Variants in GSR observed in about 807,000 individuals in gnomAD.
GSR encodes the protein glutathione-disulfide reductase, also known as glutathione reductase, mitochondrial.
A neutral mutation model predicts 56.5 loss-of-function variants in GSR; 48 were observed. That is an observed-to-expected ratio of 0.85 (90% CI 0.67 to 1.08). The LOEUF (loss-of-function observed/expected upper bound fraction) is 1.08. Among genes scored for constraint, GSR ranks in the 50% least tolerant of loss-of-function variants. The probability of loss-of-function intolerance (pLI) is 0.00; values close to 1 mark genes in which losing one functional copy is unlikely to be tolerated. For missense variants in GSR, 694 were observed against 703.3 expected (o/e 0.99, Z 0.15); for synonymous variants, 264 against 270.8 (o/e 0.97, Z 0.25).
chr8:30,680,911 T>C lies in GSR; in HGVS notation c.1412A>G (p.Glu471Gly). ...CVMKMVCANK[E>G]EKVVGIHMQG... is the part of the protein sequence containing the mutation. ...TGCTGGATTTTTCCTTACCTTTTCT[T>C]CCTTGTTAGCACAGACCATTTTCAT... Residue 471 changes from glutamate to glycine, a missense_variant, in exon 12 of 13, where the codon GAA becomes GGA. Physicochemically the swap from Glu to Gly is moderately conservative, Grantham distance 98. Transcript: ENST00000221130. The C allele has an allele frequency of 6.2e-7, 1 of 1,613,762 alleles. No homozygotes were observed. Among genetic ancestry groups the C allele is most frequent in the Non-Finnish European group, 8.5e-7 (1 of 1,179,912 alleles).
chr8:30,699,795 T>C (rs983581630), intron 6 of GSR, among the ~76,000 whole-genome samples: 3 of 152,112 alleles, frequency 2.0e-5, no homozygotes, highest in African/African-American at 4.8e-5. Flanking sequence ...ACATTCTTAA[T>C]TGATGCTGTA....
At chr8:30,700,745 A>AAAAAAAAAAAAAAAAAAC (rs1803708803) in intron 5 of GSR, among the ~76,000 whole-genome samples, 1 of 135,526 alleles carries the variant, frequency 7.4e-6, no homozygotes, top group African/African-American at 2.9e-5. Flanking sequence ...AAAAAAAAAA[A>AAAAAAAAAAAAAAAAAAC]AAAAATCGAC....
chr8:30,699,270 G>T (rs1056553697), intron 6 of GSR, among the ~76,000 whole-genome samples: 1 of 151,810 alleles, frequency 6.6e-6, no homozygotes, highest in African/African-American at 2.4e-5. Context: ...CTGCCTGGGC[G>T]ATGGAAGAAG....
At chr8:30,719,409 C>T (rs931167566) in intron 1 of GSR, among the ~76,000 whole-genome samples, 1 of 152,048 alleles carries the variant, frequency 6.6e-6, no homozygotes, top group Non-Finnish European at 1.5e-5. Flanking sequence ...AGCCACCGCG[C>T]CTGGCCAATT....
intron 4 of GSR, among the ~76,000 whole-genome samples, chr8:30,706,341 A>G (rs1433670980): frequency 6.6e-6 from 1 of 151,818 alleles, no homozygotes; most frequent in Non-Finnish European, 1.5e-5. Context: ...CTCTACTAAA[A>G]ATACAAAAAA....
Position 30,709,835 on chromosome 8 carries a change from C to G in GSR, c.401G>C (p.Cys134Ser). Residue 134 changes from cysteine to serine, a missense_variant, in exon 3 of 13, where the codon TGT (cysteine) becomes TCT (serine). Physicochemically the swap from Cys to Ser is moderately radical, Grantham distance 112. Coordinates refer to ENST00000221130, the MANE Select transcript of GSR (RefSeq NM_000637.5). ...HDHADYGFPS[C>S]EGKFNWRVIK... ...TTACCGCCAATTGAATTTACCCTCA[C>G]AACTTGGAAAGCCATAATCAGCATG... 2.5e-6 allele frequency: 4 copies of G among 1,577,950 alleles called. No homozygotes were observed. Among genetic ancestry groups the G allele is most frequent in the Non-Finnish European group, 3.5e-6 (4 of 1,151,324 alleles).
chr8:30,680,558 C>T (rs539760864), intron 12 of GSR, among the ~76,000 whole-genome samples: 26 of 152,034 alleles, frequency 1.7e-4, no homozygotes, highest in African/African-American at 5.3e-4. Flanking sequence ...TCATGCCTGG[C>T]TAATTTTTGT....
intron 5 of GSR, among the ~76,000 whole-genome samples, chr8:30,700,874 A>G (rs1789879591): frequency 6.6e-6 from 1 of 152,110 alleles, no homozygotes; most frequent in Non-Finnish European, 1.5e-5. Context: ...GGAGATTGAA[A>G]CCTTTGGATA....
At chr8:30,726,711 A>T (rs534126725) in intron 1 of GSR, among the ~76,000 whole-genome samples, 2 of 152,250 alleles carry the variant, frequency 1.3e-5, no homozygotes, top group South Asian at 4.1e-4. Context: ...GCAGTGAGCT[A>T]TGATGGCCAC....
Position 30,679,605 on chromosome 8 carries a change from A to T in GSR, c.1484T>A (p.Val495Glu). 1.2e-6 allele frequency: 2 copies of T among 1,613,916 alleles called. No homozygotes were observed. The highest frequency in any genetic ancestry group is 1.7e-6 in the Non-Finnish European group (2 of 1,179,888). The change falls in exon 13 of 13, where the codon GTG becomes GAG. Residue 495 changes from valine to glutamate, a missense_variant. By Grantham distance (121) the Val-to-Glu change is moderately radical. Coordinates refer to ENST00000221130, the MANE Select transcript of GSR (RefSeq NM_000637.5). The stretch of plus-strand genomic sequence containing the variant: ...GTCTGCCTTCGTTGCTCCCATCTTC[A>T]CTGCAACAGCAAAACCCTGCAGCAT... ...DEMLQGFAVA[V>E]KMGATKADFD...
Position 30,707,971 on chromosome 8 carries a change from T to A in GSR, c.492+101A>T, listed in dbSNP as rs574899423. On this transcript the variant is annotated intron_variant, in intron 4 of 12. Transcript: ENST00000221130. ...GACCCTGTCTCCAAAAAAATAATAA[T>A]AAAAATAAATAAATAAATAGGGCTA... is the stretch of plus-strand genomic sequence containing the variant. 2.5e-5 allele frequency: 18 copies of A among 706,552 alleles called. No homozygotes were observed. The East Asian group carries it at 2.6e-4, about 10-fold the overall frequency. 43.8% of individuals were successfully genotyped at this position (706,552 alleles called of 1,614,324 possible).
chr8:30,683,169 C>G (rs1041827868), intron 10 of GSR, among the ~76,000 whole-genome samples: 2 of 152,012 alleles, frequency 1.3e-5, no homozygotes, highest in Non-Finnish European at 2.9e-5. Flanking sequence ...ACTATGTTGC[C>G]CAGCCTGGTC....
intron 3 of GSR, among the ~76,000 whole-genome samples, chr8:30,708,566 T>C (rs1323754786): frequency 3.9e-5 from 6 of 152,180 alleles, no homozygotes; most frequent in Non-Finnish European, 7.3e-5. Context: ...ATTCGGCAAT[T>C]TCACTTCTAA....
At chr8:30,708,802 A>G (rs1307320474) in intron 3 of GSR, among the ~76,000 whole-genome samples, 1 of 151,872 alleles carries the variant, frequency 6.6e-6, no homozygotes, top group Non-Finnish European at 1.5e-5. Context: ...TAAAAAAAAT[A>G]CAAAAAATTA....
Position 30,679,630 on chromosome 8 carries a change from T to C in GSR, c.1459A>G (p.Met487Val), listed in dbSNP as rs760070651. 6.2e-7 allele frequency: 1 copy of C among 1,613,968 alleles called. No homozygotes were observed. The highest frequency in any genetic ancestry group is 2.2e-5 in the East Asian group (1 of 44,872). ...IHMQGLGCDE[M>V]LQGFAVAVKM... ...ACTGCAACAGCAAAACCCTGCAGCA[T>C]TTCATCACACCCAAGTCCCTGCATA... is the stretch of plus-strand genomic sequence containing the variant. Residue 487 changes from methionine to valine, a missense_variant, in exon 13 of 13, where the codon ATG becomes GTG. By Grantham distance (21) the Met-to-Val change is conservative (BLOSUM62 1). Coordinates refer to ENST00000221130, the MANE Select transcript of GSR (RefSeq NM_000637.5).
At chr8:30,706,366 G>T (rs111421191) in intron 4 of GSR, among the ~76,000 whole-genome samples, 1 of 151,906 alleles carries the variant, frequency 6.6e-6, no homozygotes, top group South Asian at 2.1e-4. Flanking sequence ...AGGCAGGTGT[G>T]GGGGCACGTG....
chr8:30,711,878 A>T (rs915829918), intron 2 of GSR, among the ~76,000 whole-genome samples, 184 bp downstream of exon 2: 5 of 148,970 alleles, frequency 3.4e-5, no homozygotes, highest in African/African-American at 7.7e-5. Context: ...AAAAATAAAT[A>T]AAAAAATTTA....
intron 8 of GSR, among the ~76,000 whole-genome samples, chr8:30,691,056 A>C (rs1280454735): frequency 6.6e-6 from 1 of 152,062 alleles, no homozygotes; most frequent in Non-Finnish European, 1.5e-5. Flanking sequence ...TGTGTCAAGA[A>C]AAATAATTTT....
chr8:30,716,237 T>A (rs937504197), intron 1 of GSR, among the ~76,000 whole-genome samples: 5 of 152,198 alleles, frequency 3.3e-5, no homozygotes, highest in African/African-American at 4.8e-5. Context: ...CAGCAGAATC[T>A]CCACATTCCC....
Sources: gnomAD v4.1 joint callset for allele counts (sites outside exome capture counted in the v4.1 genomes callset) on GRCh38, gnomAD v4.1.1 for gene constraint, MANE v1.5 for transcripts, NCBI Gene and HGNC (gene_info 2026-07-23, HGNC 2026-07-21) for gene names.